The following PTPRG variants were observed in gnomAD, a reference collection of about 807,000 sequenced individuals.
The protein encoded by PTPRG is receptor-type tyrosine-protein phosphatase gamma.
In PTPRG, 102 loss-of-function variants were observed where a neutral mutation model predicts 165.3. The observed-to-expected ratio is 0.62, with a 90% CI of 0.53 to 0.73. The LOEUF is 0.73. PTPRG is among the 30% of genes least tolerant of loss of function. PTPRG has a pLI of 0.00. For missense variants in PTPRG, 1,866 were observed against 1,861.4 expected (o/e 1.00, Z -0.05); for synonymous variants, 675 against 669.5 (o/e 1.01, Z -0.13).
rs572870846 is a variant in PTPRG, at chr3:61,572,531, ATAAAT to A, written c.85+10164_85+10168del. Among the ~76,000 whole-genome samples, 158 of 152,332 alleles carry A rather than the reference ATAAAT, an allele frequency of 1.0e-3. 1 individual carries two copies. Among genetic ancestry groups the A allele is most frequent in the African/African-American group, 3.6e-3 (148 of 41,578 alleles). On this transcript the variant is annotated intron_variant, in intron 1 of 29. Coordinates refer to ENST00000474889, the MANE Select transcript of PTPRG (RefSeq NM_002841.4). ...GGCCATACTGCATTTAAAAGAAAAA[ATAAAT>A]TAAAAATTAAGAATGCATTAAAAAT...
intron 28 of PTPRG, among the ~76,000 whole-genome samples, chr3:62,289,916 G>A (rs1302073840): frequency 6.6e-6 from 1 of 151,910 alleles, no homozygotes; most frequent in African/African-American, 2.4e-5. Context: ...TAGAAGAAGC[G>A]TAAAAGATAA....
At chr3:61,733,178 G>A (rs989828294) in intron 1 of PTPRG, among the ~76,000 whole-genome samples, 1 of 152,156 alleles carries the variant, frequency 6.6e-6, no homozygotes, top group African/African-American at 2.4e-5. Flanking sequence ...CAGGTCAAAG[G>A]TCACTTTGTA....
chr3:61,615,852 A>G (rs62244366), intron 1 of PTPRG, among the ~76,000 whole-genome samples: 14,576 of 152,232 alleles, frequency 0.096, 779 homozygotes, highest in Middle Eastern at 0.13. Flanking sequence ...TTCCAGGTTC[A>G]TCTTGTACTC....
At position 62,293,432 on chromosome 3, in the gene PTPRG, GA is replaced by G; in HGVS notation, c.*126del. 3.5e-6 allele frequency: 3 copies of G among 863,034 alleles called. No homozygotes were observed. The South Asian group carries it at 8.7e-5, about 25-fold the overall frequency. The allele number at this position is 863,034 out of a possible 1,614,324, so 53.5% of individuals were successfully genotyped here. On this transcript the variant is annotated 3_prime_UTR_variant, in exon 30 of 30. Coordinates refer to ENST00000474889, the MANE Select transcript of PTPRG (RefSeq NM_002841.4). ...ACTTTTTTACACTGATAAAAGTTTT[GA>G]TATTTATTTTTTGCCATTTTATGTC...
intron 1 of PTPRG, among the ~76,000 whole-genome samples, chr3:61,667,211 A>T (rs760554164): frequency 6.6e-6 from 1 of 152,162 alleles, no homozygotes; most frequent in Non-Finnish European, 1.5e-5. Flanking sequence ...TGAAAACTTA[A>T]ATGCCTCCTC....
intron 2 of PTPRG, among the ~76,000 whole-genome samples, chr3:61,954,715 C>T (rs1165187398): frequency 6.6e-6 from 1 of 152,134 alleles, no homozygotes; most frequent in African/African-American, 2.4e-5. Context: ...ATACTACATC[C>T]ATTATTTTTC....
intron 15 of PTPRG, among the ~76,000 whole-genome samples, chr3:62,246,327 C>A (rs1359063694): frequency 6.6e-6 from 1 of 152,188 alleles, no homozygotes; most frequent in Non-Finnish European, 1.5e-5. Flanking sequence ...TCATAGCTAA[C>A]ATAGCCTTAT....
intron 1 of PTPRG, among the ~76,000 whole-genome samples, chr3:61,708,708 C>T (rs1319737646): frequency 2.0e-5 from 3 of 152,092 alleles, no homozygotes; most frequent in Admixed American, 6.5e-5. Context: ...CCGCCCGCCT[C>T]GGCCTCCCAA....
At chr3:62,092,284 A>G (rs1701963660) in intron 5 of PTPRG, among the ~76,000 whole-genome samples, 1 of 151,816 alleles carries the variant, frequency 6.6e-6, no homozygotes, top group African/African-American at 2.4e-5. Context: ...TACTAAAAAT[A>G]CAAAATTTAG....
In PTPRG at chr3:61,880,478, G is replaced by T. The variant is rs117998027; in HGVS notation, c.191-109147G>T. Among the ~76,000 whole-genome samples, 129 of 152,126 alleles carry T rather than the reference G, an allele frequency of 8.5e-4. No individual in the cohort carries two copies. In the East Asian group the frequency reaches 0.022, roughly 26 times the overall value. On this transcript the variant is annotated intron_variant, in intron 2 of 29. Transcript: ENST00000474889. ...CTACAAAAAATACAAAAATTAGCTG[G>T]GTGTGTTGGTGTAGGCCTGTGGTCC...
chr3:61,932,080 GT>G (rs1198950374), intron 2 of PTPRG, among the ~76,000 whole-genome samples: 1 of 152,056 alleles, frequency 6.6e-6, no homozygotes. Flanking sequence ...GCCAAAATCT[GT>G]TTGCTTTTAA....
intron 1 of PTPRG, among the ~76,000 whole-genome samples, chr3:61,649,097 T>G (rs1404558663): frequency 1.3e-5 from 2 of 152,158 alleles, no homozygotes; most frequent in Non-Finnish European, 2.9e-5. Context: ...TGCCGGAGAC[T>G]GGTTAATTTA....
intron 2 of PTPRG, among the ~76,000 whole-genome samples, chr3:61,864,577 T>G (rs1450212651): frequency 6.6e-6 from 1 of 152,224 alleles, no homozygotes; most frequent in Non-Finnish European, 1.5e-5. Flanking sequence ...TAATAAACGA[T>G]CAAGTTCAGC....
chr3:61,731,509 C>T (rs1371173012), intron 1 of PTPRG, among the ~76,000 whole-genome samples: 1 of 151,994 alleles, frequency 6.6e-6, no homozygotes, highest in Non-Finnish European at 1.5e-5. Flanking sequence ...CCACCACGCC[C>T]AGCTAATTTT....
At position 61,811,245 on chromosome 3, in the gene PTPRG, G is replaced by T. The variant is rs2035565885; in HGVS notation, c.190+62263G>T. On this transcript the variant is annotated intron_variant, in intron 2 of 29. Coordinates refer to ENST00000474889, the MANE Select transcript of PTPRG (RefSeq NM_002841.4). ...TTGCATGACTTTACTTGGCCTCTCT[G>T]TTCTGCTAGGTACCATGAGAAAAGC... is the stretch of plus-strand genomic sequence containing the variant. 3.3e-5 allele frequency among the ~76,000 whole-genome samples: 5 copies of T among 152,122 alleles called. No homozygotes were observed. The South Asian group carries it at 1.0e-3, about 32-fold the overall frequency.
intron 4 of PTPRG, among the ~76,000 whole-genome samples, chr3:62,046,718 C>T (rs1456419899): frequency 1.3e-5 from 2 of 152,018 alleles, no homozygotes; most frequent in Non-Finnish European, 2.9e-5. Context: ...TTGAACTAGT[C>T]CCAAACAAAG....
Position 62,044,973 on chromosome 3 carries a change from G to A in PTPRG, c.520-33190G>A, listed in dbSNP as rs564941207. ...TTATTTTAAATTAAATAGCATTGTG[G>A]TGGAGGAGAGGACAAAAGAGTGTGA... On this transcript the variant is annotated intron_variant, in intron 4 of 29. Transcript: ENST00000474889. Among the ~76,000 whole-genome samples, 3 of 152,260 alleles carry A rather than the reference G, an allele frequency of 2.0e-5. No homozygotes were observed. The East Asian group carries it at 5.8e-4, about 29-fold the overall frequency.
At chr3:62,151,451 T>C (rs1304020158) in intron 6 of PTPRG, among the ~76,000 whole-genome samples, 4 of 152,148 alleles carry the variant, frequency 2.6e-5, no homozygotes, top group African/African-American at 7.2e-5. Context: ...AATATAAAAG[T>C]CATACATTAT....
chr3:62,128,881 C>T (rs1413174322), intron 5 of PTPRG, among the ~76,000 whole-genome samples: 1 of 151,770 alleles, frequency 6.6e-6, no homozygotes, highest in Non-Finnish European at 1.5e-5. Flanking sequence ...GGGATTATTT[C>T]AGTTAGGGTT....
Sources: allele counts gnomAD v4.1 joint callset (sites outside exome capture counted in the v4.1 genomes callset), GRCh38; gene constraint gnomAD v4.1.1; transcripts MANE v1.5; gene names NCBI Gene and HGNC (gene_info 2026-07-23, HGNC 2026-07-21).